ZNF521: variants seen among roughly 807,000 people sequenced by gnomAD.
ZNF521 encodes LYST-interacting protein 3.
ZNF521 carries 14 observed loss-of-function variants against 105.5 expected under a neutral mutation model. The observed-to-expected ratio is 0.13, with a 90% CI of 0.09 to 0.21. The LOEUF is 0.21. Ranked by LOEUF, ZNF521 falls within the 10% of genes least tolerant of loss-of-function variation. The pLI is 1.00. For missense variants in ZNF521, 1,233 were observed against 1,629.7 expected, an observed-to-expected ratio of 0.76 and a Z score of 4.19; for synonymous variants, 635 against 606.0, an observed-to-expected ratio of 1.05 and a Z score of -0.70.
intron 7 of ZNF521, among the ~76,000 whole-genome samples, chr18:25,068,507 A>C (rs565384850): frequency 2.3e-4 from 33 of 146,218 alleles, no homozygotes; most frequent in East Asian, 1.5e-3. Flanking sequence ...TTTCATTTTT[A>C]ATTTTTTTTT....
In ZNF521 at chr18:25,348,677, T is replaced by G. The variant is rs141895431; in HGVS notation, c.40+2230A>C. Among the ~76,000 whole-genome samples the G allele has an allele frequency of 6.4e-3, 874 of 137,162 alleles. 10 individuals are homozygous for G. The highest frequency in any genetic ancestry group is 0.024 in the African/African-American group (848 of 35,630). The allele number at this position is 137,162 out of a possible 152,430, so 90.0% of individuals were successfully genotyped here. A position where few individuals can be genotyped will look rare whatever the true frequency, so the allele number is the denominator to read the frequency against. On this transcript the variant is annotated intron_variant, in intron 2 of 7. Transcript: ENST00000361524. ...TTTGTTTTTAGTGTAAATATTTTAT[T>G]TAGAATTTAGCAGTTGAAACAGATG...
At position 25,314,392 on chromosome 18, in the gene ZNF521, C is replaced by A. The variant is rs114331620; in HGVS notation, c.220+7616G>T. Among the ~76,000 whole-genome samples the A allele has an allele frequency of 3.1e-3, 478 of 152,242 alleles. 2 individuals are homozygous for A. The highest frequency in any genetic ancestry group is 0.011 in the African/African-American group (463 of 41,554). On this transcript the variant is annotated intron_variant, in intron 3 of 7. Transcript: ENST00000361524. The stretch of plus-strand genomic sequence containing the variant: ...ACTCACTTTCACATTTAAAAAAATT[C>A]TTTGGCCAAATAATAAGGATATTCC...
rs571216966 is a variant in ZNF521 at position 25,143,457 on chromosome 18, T to A, written c.3659-51376A>T. On this transcript the variant is annotated intron_variant, in intron 5 of 7. Coordinates refer to ENST00000361524, the MANE Select transcript of ZNF521 (RefSeq NM_015461.3). ...AGATTTTCTTGTGTATCTTGTAAACTGGCTCTGAGGACCATCAAAAGGTCT... is the reference window on the plus strand; with the variant it reads ...AGATTTTCTTGTGTATCTTGTAAACAGGCTCTGAGGACCATCAAAAGGTCT... Among the ~76,000 whole-genome samples, 3 of 152,276 alleles carry A rather than the reference T, an allele frequency of 2.0e-5. No individual in the cohort carries two copies. In the South Asian group the frequency reaches 6.2e-4, roughly 32 times the overall value.
At chr18:25,293,351 TACACACACACACACAC>T (rs55818021) in intron 3 of ZNF521, among the ~76,000 whole-genome samples, 3 of 143,128 alleles carry the variant, frequency 2.1e-5, no homozygotes, top group Admixed American at 7.0e-5. Flanking sequence ...CATGTACACA[TACACACACACACACAC>T]ACACACACAC....
At chr18:25,152,358 G>A (rs1208596516) in intron 5 of ZNF521, among the ~76,000 whole-genome samples, 1 of 151,408 alleles carries the variant, frequency 6.6e-6, no homozygotes, top group Non-Finnish European at 1.5e-5. Context: ...GCACACCTGT[G>A]GTCCCAGCTA....
chr18:25,116,973 GTA>G (rs35891668), intron 5 of ZNF521, among the ~76,000 whole-genome samples: 68,477 of 130,350 alleles, frequency 0.53, 17,546 homozygotes, highest in South Asian at 0.67. Context: ...GTATATATAT[GTA>G]TATATATATA....
At chr18:25,190,020 T>C (rs928517167) in intron 5 of ZNF521, among the ~76,000 whole-genome samples, 1 of 152,176 alleles carries the variant, frequency 6.6e-6, no homozygotes, top group Non-Finnish European at 1.5e-5. Context: ...CCTGTACAGA[T>C]GGCTATTAAA....
chr18:25,298,493 C>T (rs894999614), intron 3 of ZNF521, among the ~76,000 whole-genome samples: 8 of 152,174 alleles, frequency 5.3e-5, no homozygotes. Context: ...ATACATCCTT[C>T]CTTCTTCCTG....
At chr18:25,301,144 G>A (rs1911620799) in intron 3 of ZNF521, among the ~76,000 whole-genome samples, 1 of 152,044 alleles carries the variant, frequency 6.6e-6, no homozygotes, top group South Asian at 2.1e-4. Flanking sequence ...TATACACTGG[G>A]GATACATTAG....
chr18:25,068,940 C>T (rs2033145311), intron 7 of ZNF521, among the ~76,000 whole-genome samples: 1 of 152,174 alleles, frequency 6.6e-6, no homozygotes, highest in African/African-American at 2.4e-5. Flanking sequence ...CAAAATAAAA[C>T]CCTCCGGGAT....
At chr18:25,104,226 A>G (rs1458172328) in intron 5 of ZNF521, among the ~76,000 whole-genome samples, 1 of 152,180 alleles carries the variant, frequency 6.6e-6, no homozygotes, top group African/African-American at 2.4e-5. Context: ...CCACTTAAAA[A>G]ATTTAAAAAT....
At chr18:25,335,940 C>G (rs948493301) in intron 2 of ZNF521, among the ~76,000 whole-genome samples, 1 of 152,032 alleles carries the variant, frequency 6.6e-6, no homozygotes, top group African/African-American at 2.4e-5. Flanking sequence ...ATTTCACAAA[C>G]TGAAGAGAGA....
At chr18:25,263,404 C>T (rs2144904548) in intron 3 of ZNF521, among the ~76,000 whole-genome samples, 1 of 152,044 alleles carries the variant, frequency 6.6e-6, no homozygotes, top group South Asian at 2.1e-4. Context: ...GTCGCCCAGG[C>T]TGGAGTGCAG....
intron 5 of ZNF521, among the ~76,000 whole-genome samples, chr18:25,116,870 CGT>C (rs1491384578): frequency 0.011 from 827 of 78,616 alleles, 11 homozygotes; most frequent in African/African-American, 0.04. Flanking sequence ...TATATATATA[CGT>C]ATATATATAT....
At chr18:25,345,015 T>C (rs759200773) in intron 2 of ZNF521, among the ~76,000 whole-genome samples, 1 of 152,234 alleles carries the variant, frequency 6.6e-6, no homozygotes, top group Non-Finnish European at 1.5e-5. Flanking sequence ...TCTTATTACA[T>C]GCTTTTACAT....
intron 2 of ZNF521, among the ~76,000 whole-genome samples, chr18:25,338,259 T>TGTGTGTGTGTG (rs769552251): frequency 4.4e-5 from 6 of 136,596 alleles, no homozygotes; most frequent in African/African-American, 1.4e-4. Flanking sequence ...TCATAGACTT[T>TGTGTGTGTGTG]TGTGTGTGTG....
chr18:25,301,052 A>G (rs1033719652), intron 3 of ZNF521, among the ~76,000 whole-genome samples: 1 of 152,202 alleles, frequency 6.6e-6, no homozygotes, highest in Non-Finnish European at 1.5e-5. Flanking sequence ...AACTTTTCCA[A>G]TTAGCAAATA....
intron 5 of ZNF521, among the ~76,000 whole-genome samples, chr18:25,172,229 C>G (rs765336894): frequency 6.6e-6 from 1 of 152,126 alleles, no homozygotes; most frequent in African/African-American, 2.4e-5. Context: ...ACATTTCTCA[C>G]GCCTCCTAGG....
intron 5 of ZNF521, among the ~76,000 whole-genome samples, chr18:25,183,870 C>A (rs2144599185): frequency 6.6e-6 from 1 of 151,950 alleles, no homozygotes; most frequent in African/African-American, 2.4e-5. Context: ...TTTTACTGTT[C>A]AAAATTTGCT....
Sources: gnomAD v4.1 joint callset for allele counts (sites outside exome capture counted in the v4.1 genomes callset) on GRCh38, gnomAD v4.1.1 for gene constraint, MANE v1.5 for transcripts, NCBI Gene and HGNC (gene_info 2026-07-23, HGNC 2026-07-21) for gene names.